The following PDZD2 variants were observed in gnomAD, a reference collection of about 807,000 sequenced individuals.
PDZD2 encodes the protein PDZ domain containing 2.
A neutral mutation model predicts 220.7 loss-of-function variants in PDZD2; 90 were observed. The observed-to-expected ratio is 0.41, with a 90% CI of 0.34 to 0.49. The LOEUF is 0.49. Among genes scored for constraint, PDZD2 ranks in the 20% least tolerant of loss-of-function variants. The pLI, the probability that PDZD2 is intolerant of heterozygous loss-of-function variation, is 0.28. For synonymous variants in PDZD2, 1,375 were observed against 1,450.5 expected (o/e 0.95, Z 1.18); for missense variants, 3,174 against 3,608.5 (o/e 0.88, Z 3.08).
intron 1 of PDZD2, among the ~76,000 whole-genome samples, chr5:31,662,533 C>T (rs1324429151): frequency 6.6e-6 from 1 of 152,132 alleles, no homozygotes; most frequent in African/African-American, 2.4e-5. Context: ...ATCAAGGCAC[C>T]AGCAGATTTG....
chr5:32,008,379 C>T (rs868596754), intron 5 of PDZD2, among the ~76,000 whole-genome samples: 4 of 148,938 alleles, frequency 2.7e-5, no homozygotes, highest in South Asian at 2.1e-4. Context: ...CTTCCGGGTT[C>T]GAGGGATTCT....
chr5:31,908,525 A>T, intron 2 of PDZD2: 1 of 1,079,386 alleles, frequency 9.3e-7, no homozygotes, highest in Non-Finnish European at 1.3e-6. Context: ...GAAGGCCCCG[A>T]GGGCGAGGGC....
intron 2 of PDZD2, among the ~76,000 whole-genome samples, chr5:31,864,450 T>G (rs1282508716): frequency 6.6e-6 from 1 of 152,244 alleles, no homozygotes; most frequent in African/African-American, 2.4e-5. Context: ...TTCTTTCTCA[T>G]ATATAATCTT....
At chr5:31,932,078 G>A (rs1745341659) in intron 2 of PDZD2, among the ~76,000 whole-genome samples, 1 of 152,164 alleles carries the variant, frequency 6.6e-6, no homozygotes, top group African/African-American at 2.4e-5. Flanking sequence ...AACCTTGTTT[G>A]CTTTCATAAC....
At chr5:31,737,386 A>G (rs950571834) in intron 1 of PDZD2, among the ~76,000 whole-genome samples, 29 of 151,832 alleles carry the variant, frequency 1.9e-4, no homozygotes, top group East Asian at 7.8e-4. Flanking sequence ...GTTAGCCAGG[A>G]TGGTCTTGAT....
At chr5:31,781,404 A>T (rs1753055776) in intron 1 of PDZD2, among the ~76,000 whole-genome samples, 1 of 152,140 alleles carries the variant, frequency 6.6e-6, no homozygotes, top group Non-Finnish European at 1.5e-5. Context: ...ACAGAGCCAG[A>T]CTCCATCTCA....
intron 2 of PDZD2, among the ~76,000 whole-genome samples, chr5:31,872,880 T>C (rs188955164): frequency 6.6e-6 from 1 of 152,254 alleles, no homozygotes; most frequent in East Asian, 1.9e-4. Context: ...ATGGAACATA[T>C]ACAAAAAAAC....
chr5:31,973,491 A>C (rs1178257536), intron 2 of PDZD2, among the ~76,000 whole-genome samples: 2 of 152,120 alleles, frequency 1.3e-5, no homozygotes, highest in African/African-American at 2.4e-5. Context: ...AAAAAGAACT[A>C]CCTCTGCTTC....
chr5:31,849,967 T>TATATATATATACATATATATATATACAC (rs1561507399), intron 2 of PDZD2, among the ~76,000 whole-genome samples: 5 of 17,094 alleles, frequency 2.9e-4, no homozygotes, highest in Non-Finnish European at 4.7e-4. Flanking sequence ...TATATACACA[T>TATATATATATACATATATATATATACAC]ATATATATAT....
chr5:31,874,611 AT>A (rs1739138705), intron 2 of PDZD2, among the ~76,000 whole-genome samples: 2 of 152,050 alleles, frequency 1.3e-5, no homozygotes, highest in Non-Finnish European at 2.9e-5. Context: ...AAGTAAAAAA[AT>A]TAGTCGGGTG....
chr5:31,742,341 AT>A (rs1049158163), intron 1 of PDZD2: 12 of 148,734 alleles, frequency 8.1e-5, no homozygotes, highest in African/African-American at 2.2e-4. Context: ...GTTACTTTTT[AT>A]TTTTTATTAA....
chr5:31,919,861 T>TTG (rs1437749998), intron 2 of PDZD2, among the ~76,000 whole-genome samples: 1 of 150,660 alleles, frequency 6.6e-6, no homozygotes, highest in Non-Finnish European at 1.5e-5. Context: ...AAAAACAATT[T>TTG]TTTTTTTTAT....
intron 2 of PDZD2, among the ~76,000 whole-genome samples, chr5:31,861,917 T>G (rs1737742969): frequency 6.6e-6 from 1 of 152,138 alleles, no homozygotes; most frequent in Non-Finnish European, 1.5e-5. Flanking sequence ...TACTCTATTT[T>G]TATGAATGGA....
chr5:31,898,533 C>T (rs1741780516), intron 2 of PDZD2, among the ~76,000 whole-genome samples: 1 of 152,224 alleles, frequency 6.6e-6, no homozygotes, highest in South Asian at 2.1e-4. Context: ...TTCCCACCTT[C>T]CACCCCTGAT....
chr5:31,666,861 C>T (rs1746007714), intron 1 of PDZD2, among the ~76,000 whole-genome samples: 1 of 152,174 alleles, frequency 6.6e-6, no homozygotes, highest in African/African-American at 2.4e-5. Context: ...GACTCTCAGC[C>T]TGTGGGTGGT....
chr5:32,088,178 G>A lies in PDZD2; in HGVS notation c.4730G>A (p.Trp1577Ter). Residue 1577 changes from tryptophan to a stop codon, truncating the protein, a stop_gained, in exon 20 of 25, where the codon TGG (tryptophan) becomes TAG (stop). Transcript: ENST00000438447. LOFTEE classifies it high-confidence loss of function. The surrounding 1 kb of genome is among the most constrained non-coding windows in gnomAD (Gnocchi z 4.6). ...EAPRASARDG[W>*]SPPRSRVSLH... ...CCACGAGCTTCTGCCAGGGACGGCT[G>A]GTCCCCTCCTCGTTCCCGTGTGTCT... 6.2e-7 allele frequency: 1 copy of A among 1,614,070 alleles called. No homozygotes were observed. Among genetic ancestry groups the A allele is most frequent in the Non-Finnish European group, 8.5e-7 (1 of 1,179,952 alleles).
chr5:31,935,759 G>C lies in PDZD2; in HGVS notation c.477-47396G>C, dbSNP rs191774772. 1.6e-3 allele frequency among the ~76,000 whole-genome samples: 245 copies of C among 152,300 alleles called. 1 individual carries two copies. The highest frequency in any genetic ancestry group is 2.7e-3 in the Non-Finnish European group (184 of 68,030). On this transcript the variant is annotated intron_variant, in intron 2 of 24. Transcript: ENST00000438447. Reference sequence around the variant, plus strand: ...CCTAGCTTCACATTTTTAGTTATGTGAAGTACACATTTTGATAGTATTTTG... The same window carrying C: ...CCTAGCTTCACATTTTTAGTTATGTCAAGTACACATTTTGATAGTATTTTG...
At chr5:31,740,475 A>C (rs1750180339) in intron 1 of PDZD2, among the ~76,000 whole-genome samples, 1 of 135,070 alleles carries the variant, frequency 7.4e-6, no homozygotes, top group Non-Finnish European at 1.5e-5. Context: ...CAGTGAGCCG[A>C]GATCTTGCCA....
At chr5:31,747,265 G>A (rs75829556) in intron 1 of PDZD2, among the ~76,000 whole-genome samples, 116 of 152,292 alleles carry the variant, frequency 7.6e-4, no homozygotes, top group African/African-American at 2.6e-3. Flanking sequence ...AGTTTTTTGT[G>A]CTTGGCTTTC....
Sources: gnomAD v4.1 joint callset for allele counts (sites outside exome capture counted in the v4.1 genomes callset) on GRCh38, gnomAD v4.1.1 for gene constraint, Gnocchi (gnomAD v3.1) non-coding constraint, MANE v1.5 for transcripts, NCBI Gene and HGNC (gene_info 2026-07-23, HGNC 2026-07-21) for gene names.